SYCP2: variants seen among roughly 807,000 people sequenced by gnomAD.
SYCP2 encodes synaptonemal complex lateral element protein.
In SYCP2, 55 loss-of-function variants were observed where a neutral mutation model predicts 211.3. The ratio of observed to expected loss-of-function variants is 0.26; its 90% confidence interval spans 0.21 to 0.33. The LOEUF is 0.33. SYCP2 is among the 10% of genes least tolerant of loss of function. The probability of loss-of-function intolerance (pLI) is 1.00; values close to 1 mark genes in which losing one functional copy is unlikely to be tolerated. For synonymous variants in SYCP2, 570 were observed against 555.2 expected (o/e 1.03, Z -0.37); for missense variants, 1,731 against 1,752.0 (o/e 0.99, Z 0.21).
chr20:59,887,607 C>T (rs1156641520), intron 24 of SYCP2, among the ~76,000 whole-genome samples: 1 of 151,936 alleles, frequency 6.6e-6, no homozygotes, highest in Non-Finnish European at 1.5e-5. Context: ...AGTTTACAGT[C>T]CCACCAACAG....
chr20:59,892,309 A>C lies in SYCP2; in HGVS notation c.2045T>G (p.Ile682Arg). Reference protein sequence around the residue: ...YKKEQTDHIKIDKAEVEVCKK... With the variant: ...YKKEQTDHIKRDKAEVEVCKK... ...GCAAACTTCTACTTCTGCTTTATCT[A>C]TTTTGATATGGTCGGTTTGTTCTTT... is the stretch of plus-strand genomic sequence containing the variant. Residue 682 changes from isoleucine (I) to arginine (R), a missense_variant, in exon 24 of 45, where the codon ATA (isoleucine) becomes AGA (arginine). This residue lies in a region of SYCP2 where 1,387 missense variants were observed against 1,351.3 expected (regional missense o/e 1.03). Transcript: ENST00000357552. The C allele has an allele frequency of 6.2e-7, 1 of 1,611,738 alleles. No individual in the cohort carries two copies. Among genetic ancestry groups the C allele is most frequent in the East Asian group, 2.2e-5 (1 of 44,790 alleles).
At chr20:59,867,940 C>A in intron 38 of SYCP2, 93 bp from the exon 39 acceptor site, 1 of 892,728 alleles carries the variant, frequency 1.1e-6, no homozygotes, top group Non-Finnish European at 1.7e-6. Flanking sequence ...ATCTTATTTT[C>A]CGAATCTATG....
chr20:59,891,712 T>C (rs1248963528), intron 24 of SYCP2, among the ~76,000 whole-genome samples: 1 of 151,796 alleles, frequency 6.6e-6, no homozygotes, highest in Non-Finnish European at 1.5e-5. Flanking sequence ...TATATCCAAG[T>C]CAAAAGGAAA....
intron 24 of SYCP2, 132 bp downstream of exon 24, chr20:59,891,858 A>C: frequency 2.7e-6 from 2 of 740,320 alleles, no homozygotes; most frequent in East Asian, 5.6e-5. Context: ...GAATTCTGAG[A>C]GTCTGGGCAC....
intron 15 of SYCP2, among the ~76,000 whole-genome samples, chr20:59,904,439 T>C (rs1027249351): frequency 6.6e-5 from 10 of 152,066 alleles, no homozygotes; most frequent in African/African-American, 1.9e-4. Flanking sequence ...ACCTGAGTAA[T>C]AGAGGCAAAC....
At chr20:59,922,629 G>C (rs1009117361) in intron 2 of SYCP2, among the ~76,000 whole-genome samples, 170 bp from the exon 3 acceptor site, 12 of 151,680 alleles carry the variant, frequency 7.9e-5, no homozygotes, top group African/African-American at 2.9e-4. Context: ...GATCAAATAA[G>C]TTTCTAGAGA....
intron 34 of SYCP2, 42 bp downstream of exon 34, chr20:59,875,229 C>CTGTTTTTTCTT: frequency 1.6e-6 from 2 of 1,260,258 alleles, no homozygotes; most frequent in East Asian, 2.4e-5. Flanking sequence ...TTATAGAAAA[C>CTGTTTTTTCTT]TATTGAATAT....
At chr20:59,898,548 C>A (rs998058912) in intron 18 of SYCP2, among the ~76,000 whole-genome samples, 2 of 152,232 alleles carry the variant, frequency 1.3e-5, no homozygotes, top group Non-Finnish European at 2.9e-5. Context: ...ACATCACACA[C>A]TGGGACCTGT....
chr20:59,887,764 T>A (rs2059822385), intron 24 of SYCP2, among the ~76,000 whole-genome samples: 1 of 149,230 alleles, frequency 6.7e-6, no homozygotes. Flanking sequence ...AAAAGATCAA[T>A]AAAATTGATA....
chr20:59,871,752 C>T (rs2059456132), intron 35 of SYCP2, among the ~76,000 whole-genome samples: 1 of 151,806 alleles, frequency 6.6e-6, no homozygotes, highest in Non-Finnish European at 1.5e-5. Flanking sequence ...CTCTAGATTA[C>T]TTATGATACC....
chr20:59,873,920 T>C lies in SYCP2; in HGVS notation c.3491A>G (p.Asn1164Ser), dbSNP rs758613217. 4.6e-5 allele frequency: 75 copies of C among 1,612,910 alleles called. No homozygotes were observed. Among genetic ancestry groups the C allele is most frequent in the Non-Finnish European group, 6.1e-5 (72 of 1,179,504 alleles). ...GVGGTIKSPK[N>S]NEKNFLCASE... The stretch of plus-strand genomic sequence containing the variant: ...TGCACACAGGAAGTTTTTCTCATTG[T>C]TTTTGGGTGACTTTATTGTACCTCC... Residue 1164 changes from asparagine (N) to serine (S), a missense_variant, in exon 35 of 45, where the codon AAC becomes AGC. Asn to Ser is a conservative substitution (Grantham distance 46, BLOSUM62 1). Transcript: ENST00000357552.
intron 20 of SYCP2, among the ~76,000 whole-genome samples, chr20:59,895,033 G>GTTTTT (rs1195993816): frequency 6.6e-6 from 1 of 151,990 alleles, no homozygotes; most frequent in African/African-American, 2.4e-5. Flanking sequence ...TCCTATATGT[G>GTTTTT]TAAATCTGAG....
At chr20:59,923,508 A>AT (rs2060578360) in intron 2 of SYCP2, among the ~76,000 whole-genome samples, 1 of 151,756 alleles carries the variant, frequency 6.6e-6, no homozygotes, top group Admixed American at 6.6e-5. Context: ...TTTTTTAAAT[A>AT]TTGTATGTTA....
intron 35 of SYCP2, among the ~76,000 whole-genome samples, chr20:59,873,061 G>C (rs1214492581): frequency 6.6e-6 from 1 of 151,910 alleles, no homozygotes; most frequent in Non-Finnish European, 1.5e-5. Context: ...AAATATAGTA[G>C]ACCCTCCTGA....
At chr20:59,885,348 A>C (rs1029726453) in intron 26 of SYCP2, among the ~76,000 whole-genome samples, 8 of 152,136 alleles carry the variant, frequency 5.3e-5, no homozygotes, top group Non-Finnish European at 8.8e-5. Flanking sequence ...GAGGCAAAGA[A>C]AATTGTTAAC....
chr20:59,905,050 T>C (rs1048194250), intron 15 of SYCP2, among the ~76,000 whole-genome samples: 2 of 152,138 alleles, frequency 1.3e-5, no homozygotes, highest in Admixed American at 1.3e-4. Context: ...CTACTAACAT[T>C]GTACTGAAAA....
chr20:59,889,681 G>T (rs2059866267), intron 24 of SYCP2, among the ~76,000 whole-genome samples: 1 of 151,928 alleles, frequency 6.6e-6, no homozygotes, highest in African/African-American at 2.4e-5. Flanking sequence ...TGGTTTACTT[G>T]TCTTGATAGA....
At chr20:59,870,705 G>A (rs2059436254) in intron 35 of SYCP2, among the ~76,000 whole-genome samples, 1 of 151,776 alleles carries the variant, frequency 6.6e-6, no homozygotes, top group Non-Finnish European at 1.5e-5. Context: ...CAGGGGGTAT[G>A]TAACACCCTA....
At chr20:59,878,761 C>A (rs2059609015) in intron 31 of SYCP2, among the ~76,000 whole-genome samples, 1 of 152,124 alleles carries the variant, frequency 6.6e-6, no homozygotes, top group South Asian at 2.1e-4. Context: ...CCATACATCA[C>A]AATGTTAATA....
Sources: gnomAD v4.1 joint callset for allele counts (sites outside exome capture counted in the v4.1 genomes callset) on GRCh38, gnomAD v4.1.1 for gene constraint, gnomAD v4.1.1 regional missense constraint, MANE v1.5 for transcripts, NCBI Gene and HGNC (gene_info 2026-07-23, HGNC 2026-07-21) for gene names.